The following TTN variants were observed in gnomAD, a reference collection of about 807,000 sequenced individuals.
TTN encodes the protein connectin.
TTN carries 1,525 observed loss-of-function variants against 3,223.0 expected under a neutral mutation model. The ratio of observed to expected loss-of-function variants is 0.47; its 90% confidence interval spans 0.45 to 0.49. The LOEUF (loss-of-function observed/expected upper bound fraction) is 0.49, where lower values mean the gene tolerates loss of function less well. Ranked by LOEUF, TTN falls within the 20% of genes least tolerant of loss-of-function variation. The probability of loss-of-function intolerance (pLI) is 0.00; values close to 1 mark genes in which losing one functional copy is unlikely to be tolerated. For missense variants in TTN, 40,786 were observed against 43,424.0 expected (o/e 0.94, Z 5.40); for synonymous variants, 14,094 against 15,161.0 (o/e 0.93, Z 5.17).
In TTN at chr2:178,681,667, C is replaced by T. The variant is rs777844948; in HGVS notation, c.33166G>A (p.Ala11056Thr). Reference sequence around the variant, plus strand: ...AATGTTTTTTTCACTCTACCTTTAGCCGGTGGGGCCTTTGGTTTTGTGGGA... The same window carrying T: ...AATGTTTTTTTCACTCTACCTTTAGTCGGTGGGGCCTTTGGTTTTGTGGGA... ...PVPTKPKAPP[A>T]KVLKKAVPEE... Residue 11056 changes from alanine (A) to threonine (T), a missense_variant, in exon 136 of 363, where the codon GCT becomes ACT. By Grantham distance (58) the Ala-to-Thr change is moderately conservative (BLOSUM62 0). Coordinates refer to ENST00000589042, the MANE Select transcript of TTN (RefSeq NM_001267550.2). 6.2e-7 allele frequency: 1 copy of T among 1,605,768 alleles called. No homozygotes were observed.
chr2:178,769,231 T>C (rs1410245124), intron 37 of TTN, among the ~76,000 whole-genome samples: 1 of 151,374 alleles, frequency 6.6e-6, no homozygotes, highest in African/African-American at 2.4e-5. Context: ...TGTAACCACA[T>C]ACTAGATGTT....
At position 178,775,431 on chromosome 2, in the gene TTN, C is replaced by T; in HGVS notation, c.6433G>A (p.Asp2145Asn). The T allele has an allele frequency of 6.2e-7, 1 of 1,614,046 alleles. No individual in the cohort carries two copies. Among genetic ancestry groups the T allele is most frequent in the Non-Finnish European group, 8.5e-7 (1 of 1,179,998 alleles). ...ELVIRDVTAE[D>N]SASIMVKAIN... ...GCTTTTACCATGATGCTGGCAGAGTCCTCAGCAGTCACATCTCTTATGACC... is the reference window on the plus strand; with the variant it reads ...GCTTTTACCATGATGCTGGCAGAGTTCTCAGCAGTCACATCTCTTATGACC... The change falls in exon 28 of 363, where the codon GAC becomes AAC. Residue 2145 changes from aspartate to asparagine, a missense_variant. Transcript: ENST00000589042.
At chr2:178,719,491 T>G (rs2078012895) in intron 82 of TTN, 40 bp from the exon 83 acceptor site, 1 of 1,592,740 alleles carries the variant, frequency 6.3e-7, no homozygotes, top group African/African-American at 1.3e-5. Context: ...AAGAGAAGTT[T>G]TATTCTGTGC....
Position 178,681,696 on chromosome 2 carries a change from G to A in TTN, c.33137C>T (p.Pro11046Leu), listed in dbSNP as rs2069444492. Residue 11046 changes from proline (P) to leucine (L), a missense_variant, in exon 136 of 363, where the codon CCA (proline) becomes CTA (leucine). Transcript: ENST00000589042. The part of the protein sequence containing the change: ...PIPVKPVPEE[P>L]VPTKPKAPPA... ...TGGGGCCTTTGGTTTTGTGGGAACTGGTTCTTCTGGGACAGGCTTTACAGG... is the reference window on the plus strand; with the variant it reads ...TGGGGCCTTTGGTTTTGTGGGAACTAGTTCTTCTGGGACAGGCTTTACAGG... The A allele has an allele frequency of 6.2e-7, 1 of 1,605,222 alleles. No homozygotes were observed. Among genetic ancestry groups the A allele is most frequent in the African/African-American group, 1.4e-5 (1 of 74,028 alleles).
chr2:178,541,444 G>T lies in TTN; in HGVS notation c.97633C>A (p.Arg32545=), dbSNP rs780653613. The T allele has an allele frequency of 6.2e-7, 1 of 1,613,454 alleles. No homozygotes were observed. The highest frequency in any genetic ancestry group is 1.1e-5 in the South Asian group (1 of 91,040). Residue 32545 remains arginine, a synonymous_variant, in exon 350 of 363, where the codon CGA becomes AGA. Coordinates refer to ENST00000589042, the MANE Select transcript of TTN (RefSeq NM_001267550.2). The part of the protein sequence containing the change: ...IVERKEVRAD[R]WVRVNKVPVT... Reference sequence around the variant, plus strand: ...GGTACTTTATTTACACGGACCCATCGATCTGCTCTCACTTCTTTGCGCTCC... The same window carrying T: ...GGTACTTTATTTACACGGACCCATCTATCTGCTCTCACTTCTTTGCGCTCC...
Position 178,591,807 on chromosome 2 carries a change from A to G in TTN, c.60012T>C (p.Asp20004=), listed in dbSNP as rs2050266974. ...AATATCCAGTGATTGGAGAACCACC[A>G]TCACGATCCGGCTTATTCCAGACTA... ...VSLVWNKPDR[D]GGSPITGYLV... Residue 20004 remains aspartate, a synonymous_variant, in exon 303 of 363, where the codon GAT becomes GAC. Coordinates refer to ENST00000589042, the MANE Select transcript of TTN (RefSeq NM_001267550.2). 6.2e-7 allele frequency: 1 copy of G among 1,613,332 alleles called. No individual in the cohort carries two copies. Among genetic ancestry groups the G allele is most frequent in the Non-Finnish European group, 8.5e-7 (1 of 1,179,588 alleles).
Position 178,605,250 on chromosome 2 carries a change from A to T in TTN, c.53927T>A (p.Ile17976Asn), listed in dbSNP as rs1293562368. 1 of 1,607,508 alleles carries T rather than the reference A, an allele frequency of 6.2e-7. No homozygotes were observed. The highest frequency in any genetic ancestry group is 8.5e-7 in the Non-Finnish European group (1 of 1,176,896). ...GACAGGCTCTCCTGCCTTAACTTTG[A>T]TAGTGTCTCCTCGAACACTCAGACG... ...KLRLSVRGDT[I>N]KVKAGEPVHI... Residue 17976 changes from isoleucine to asparagine, a missense_variant, in exon 280 of 363, where the codon ATC (isoleucine) becomes AAC (asparagine). Ile to Asn is a moderately radical substitution (Grantham distance 149). Transcript: ENST00000589042.
chr2:178,581,320 A>T (rs2047691289), intron 316 of TTN, among the ~76,000 whole-genome samples, 179 bp downstream of exon 316: 1 of 152,048 alleles, frequency 6.6e-6, no homozygotes, highest in Non-Finnish European at 1.5e-5. Flanking sequence ...AATCATGTGC[A>T]TTTGATTTGC....
At chr2:178,791,273 G>A (rs2093476061) in intron 10 of TTN, among the ~76,000 whole-genome samples, 1 of 152,202 alleles carries the variant, frequency 6.6e-6, no homozygotes, top group Admixed American at 6.5e-5. Context: ...GGGAAATTCA[G>A]TCAGCAGCCT....
intron 236 of TTN, among the ~76,000 whole-genome samples, chr2:178,631,523 A>G (rs891908845): frequency 6.6e-6 from 1 of 152,056 alleles, no homozygotes; most frequent in Non-Finnish European, 1.5e-5. Flanking sequence ...TGAATTTTGA[A>G]ACATTTTATT....
In TTN at chr2:178,640,634, T is replaced by G; in HGVS notation, c.40634-4A>C. 1.3e-6 allele frequency: 2 copies of G among 1,565,358 alleles called. No individual in the cohort carries two copies. Among genetic ancestry groups the G allele is most frequent in the Non-Finnish European group, 1.7e-6 (2 of 1,161,574 alleles). On this transcript the variant is annotated splice_polypyrimidine_tract_variant and splice_region_variant and intron_variant, in intron 220 of 362. Transcript: ENST00000589042. Reference sequence around the variant, plus strand: ...TTTGGAGGTGGTGGTTCTGGTACTTTAAGATAAGATTATTTTTTCAGTGTT... The same window carrying G: ...TTTGGAGGTGGTGGTTCTGGTACTTGAAGATAAGATTATTTTTTCAGTGTT...
Position 178,566,824 on chromosome 2 carries a change from A to G in TTN, c.79308T>C (p.Cys26436=). 6.2e-7 allele frequency: 1 copy of G among 1,613,430 alleles called. No homozygotes were observed. Among genetic ancestry groups the G allele is most frequent in the Non-Finnish European group, 8.5e-7 (1 of 1,179,674 alleles). The change falls in exon 326 of 363, where the codon TGT becomes TGC. Residue 26436 remains cysteine, a synonymous_variant. Transcript: ENST00000589042. Reference sequence around the variant, plus strand: ...GCAAATCTGTAATGCGGCGTTTATTACATTTTATCCATCGAATGCCACTTC... The same window carrying G: ...GCAAATCTGTAATGCGGCGTTTATTGCATTTTATCCATCGAATGCCACTTC... The part of the protein sequence containing the change: ...RDRSGIRWIK[C]NKRRITDLRL...
At chr2:178,729,608 A>AC in intron 63 of TTN, 42 bp from the exon 64 acceptor site, 1 of 1,612,866 alleles carries the variant, frequency 6.2e-7, no homozygotes. Context: ...TCAAGGGAAG[A>AC]CCCCAAACTT....
Position 178,535,241 on chromosome 2 carries a change from A to G in TTN, c.101374T>C (p.Tyr33792His). ...TKEDKTRAMN[Y>H]DEEVDETREV... ...CTGGTTTCATCTACCTCTTCATCAT[A>G]GTTCATAGCTCTGGTCTTATCTTCT... The change falls in exon 358 of 363, where the codon TAT (tyrosine) becomes CAT (histidine). Residue 33792 changes from tyrosine to histidine, a missense_variant. Physicochemically the swap from Tyr to His is moderately conservative, Grantham distance 83. Transcript: ENST00000589042. 3 of 1,613,922 alleles carry G rather than the reference A, an allele frequency of 1.9e-6. No homozygotes were observed. Among genetic ancestry groups the G allele is most frequent in the Non-Finnish European group, 2.5e-6 (3 of 1,179,848 alleles).
Position 178,718,708 on chromosome 2 carries a change from A to T in TTN, c.24492T>A (p.His8164Gln). The T allele has an allele frequency of 6.2e-6, 10 of 1,613,432 alleles. No homozygotes were observed. Among genetic ancestry groups the T allele is most frequent in the African/African-American group, 2.7e-5 (2 of 75,018 alleles). ...GAAAGAGCAAACCTTTCACAAAAAG[A>T]TGTGTGGTACAGGAAGCACTGCCAG... ...NDAGSASCTT[H>Q]LFVKEPATFV... Residue 8164 changes from histidine to glutamine, a missense_variant, in exon 84 of 363, where the codon CAT becomes CAA. Physicochemically the swap from His to Gln is conservative, Grantham distance 24 (BLOSUM62 0). Coordinates refer to ENST00000589042, the MANE Select transcript of TTN (RefSeq NM_001267550.2).
Position 178,551,097 on chromosome 2 carries a change from T to G in TTN, c.91434A>C (p.Glu30478Asp), listed in dbSNP as rs373900294. Residue 30478 changes from glutamate (E) to aspartate (D), a missense_variant, in exon 336 of 363, where the codon GAA (glutamate) becomes GAC (aspartate). Coordinates refer to ENST00000589042, the MANE Select transcript of TTN (RefSeq NM_001267550.2). ...TGAGTCCTGTAACTGTGTACTGACATTCACTGACGTCAGTAAAGTTGCATC... is the reference window on the plus strand; with the variant it reads ...TGAGTCCTGTAACTGTGTACTGACAGTCACTGACGTCAGTAAAGTTGCATC... ...WVRCNFTDVS[E>D]CQYTVTGLSP... 23 of 1,613,350 alleles carry G rather than the reference T, an allele frequency of 1.4e-5. No individual in the cohort carries two copies. The African/African-American group carries it at 2.3e-4, about 16-fold the overall frequency.
Position 178,571,997 on chromosome 2 carries a change from A to G in TTN, c.74135T>C (p.Leu24712Pro), listed in dbSNP as rs570875618. The change falls in exon 326 of 363, where the codon CTT (leucine) becomes CCT (proline). Residue 24712 changes from leucine to proline, a missense_variant. By Grantham distance (98) the Leu-to-Pro change is moderately conservative. Coordinates refer to ENST00000589042, the MANE Select transcript of TTN (RefSeq NM_001267550.2). ...QLSVPVIAKD[L>P]VIPPAFKLLF... The stretch of plus-strand genomic sequence containing the variant: ...GAGTTTGAAGGCTGGTGGAATGACA[A>G]GATCTTTGGCGATCACTGGCACACT... 1.9e-6 allele frequency: 3 copies of G among 1,613,276 alleles called. No individual in the cohort carries two copies. In the Admixed American group the frequency reaches 5.0e-5, roughly 27 times the overall value.
chr2:178,764,358 G>A, intron 42 of TTN, 56 bp from the exon 43 acceptor site: 6 of 1,613,058 alleles, frequency 3.7e-6, no homozygotes, highest in Non-Finnish European at 5.1e-6. Context: ...AGACCTCACA[G>A]AAGGGAGCAT....
In TTN at chr2:178,550,128, C is replaced by T. The variant is rs1698748983; in HGVS notation, c.91710G>A (p.Arg30570=). 2 of 1,613,774 alleles carry T rather than the reference C, an allele frequency of 1.2e-6. No homozygotes were observed. ...GTACGTCGGTTATTTCCATATTCAT[C>T]CTCTTTTCGATTTCCACTCCATCTT... ...WFKDGVEIEK[R]MNMEITDVLG... is the part of the protein sequence containing the mutation. Residue 30570 remains arginine, a synonymous_variant, in exon 337 of 363, where the codon AGG becomes AGA. Coordinates refer to ENST00000589042, the MANE Select transcript of TTN (RefSeq NM_001267550.2).
Sources: gnomAD v4.1 joint callset for allele counts (sites outside exome capture counted in the v4.1 genomes callset) on GRCh38, gnomAD v4.1.1 for gene constraint, MANE v1.5 for transcripts, NCBI Gene and HGNC (gene_info 2026-07-23, HGNC 2026-07-21) for gene names.